Variants in KCNH7 observed in about 807,000 individuals in gnomAD.
The protein encoded by KCNH7 is voltage-gated inwardly rectifying potassium channel KCNH7.
A neutral mutation model predicts 120.8 loss-of-function variants in KCNH7; 49 were observed. That is an observed-to-expected ratio of 0.41 (90% CI 0.32 to 0.51). The LOEUF (loss-of-function observed/expected upper bound fraction) is 0.51, where lower values mean the gene tolerates loss of function less well. Among genes scored for constraint, KCNH7 ranks in the 20% least tolerant of loss-of-function variants. The probability of loss-of-function intolerance (pLI) is 0.38; values close to 1 mark genes in which losing one functional copy is unlikely to be tolerated. For missense variants in KCNH7, 1,097 were observed against 1,446.6 expected (o/e 0.76, Z 3.92); for synonymous variants, 547 against 516.1 (o/e 1.06, Z -0.81).
intron 8 of KCNH7, among the ~76,000 whole-genome samples, chr2:162,432,946 G>T (rs908825119): frequency 1.3e-5 from 2 of 152,130 alleles, no homozygotes; most frequent in African/African-American, 4.8e-5. Flanking sequence ...CTTCAGTAAA[G>T]TTTCGAGATA....
chr2:162,588,151 G>T (rs1440305588), intron 2 of KCNH7, among the ~76,000 whole-genome samples: 2 of 152,024 alleles, frequency 1.3e-5, no homozygotes, highest in Non-Finnish European at 2.9e-5. Context: ...GAGAAAAGAG[G>T]CAAGGACAAT....
chr2:162,573,923 T>G (rs1367764573), intron 2 of KCNH7, among the ~76,000 whole-genome samples: 1 of 152,002 alleles, frequency 6.6e-6, no homozygotes, highest in Non-Finnish European at 1.5e-5. Context: ...AAAATGCCTG[T>G]GAGGACGGGT....
intron 2 of KCNH7, among the ~76,000 whole-genome samples, chr2:162,590,764 C>T (rs1375166514): frequency 6.6e-6 from 1 of 152,074 alleles, no homozygotes; most frequent in Non-Finnish European, 1.5e-5. Flanking sequence ...CATCTGTAGC[C>T]TGGGTGACTG....
intron 2 of KCNH7, among the ~76,000 whole-genome samples, chr2:162,734,836 C>G (rs1687844289): frequency 6.6e-6 from 1 of 152,058 alleles, no homozygotes; most frequent in South Asian, 2.1e-4. Flanking sequence ...CTTGCCAATC[C>G]TTTTAACATA....
chr2:162,561,817 C>A (rs957849870), intron 2 of KCNH7, among the ~76,000 whole-genome samples: 1 of 152,138 alleles, frequency 6.6e-6, no homozygotes, highest in South Asian at 2.1e-4. Flanking sequence ...AACCCAAATG[C>A]CCATCAGTGA....
At chr2:162,664,689 A>G (rs1171573758) in intron 2 of KCNH7, among the ~76,000 whole-genome samples, 1 of 152,166 alleles carries the variant, frequency 6.6e-6, no homozygotes, top group Non-Finnish European at 1.5e-5. Context: ...GTTATTCCAT[A>G]TGCAATATAT....
chr2:162,685,642 C>A (rs925068136), intron 2 of KCNH7, among the ~76,000 whole-genome samples: 10 of 150,972 alleles, frequency 6.6e-5, no homozygotes, highest in Admixed American at 2.6e-4. Flanking sequence ...AAGGAACACA[C>A]AAGTGAATGG....
intron 7 of KCNH7, among the ~76,000 whole-genome samples, chr2:162,438,249 A>G (rs1244641818): frequency 6.6e-6 from 1 of 152,144 alleles, no homozygotes; most frequent in Non-Finnish European, 1.5e-5. Flanking sequence ...TAGAGTAAAA[A>G]TGATGTTATG....
intron 7 of KCNH7, among the ~76,000 whole-genome samples, chr2:162,437,583 C>G (rs1170256787): frequency 6.6e-6 from 1 of 151,928 alleles, no homozygotes; most frequent in Non-Finnish European, 1.5e-5. Flanking sequence ...ATAGAATGTC[C>G]CCTTGGATAA....
At chr2:162,615,436 A>C (rs1052681798) in intron 2 of KCNH7, among the ~76,000 whole-genome samples, 4 of 152,198 alleles carry the variant, frequency 2.6e-5, no homozygotes, top group African/African-American at 9.7e-5. Flanking sequence ...TGGTCAAGGG[A>C]TTCAATTAAC....
chr2:162,587,526 T>A (rs76537978), intron 2 of KCNH7, among the ~76,000 whole-genome samples: 10,268 of 152,050 alleles, frequency 0.068, 609 homozygotes, highest in East Asian at 0.3. Context: ...AGAATTTTTT[T>A]AAAAAAATAT....
At chr2:162,698,831 C>T (rs1686390339) in intron 2 of KCNH7, among the ~76,000 whole-genome samples, 2 of 151,986 alleles carry the variant, frequency 1.3e-5, no homozygotes, top group Admixed American at 1.3e-4. Context: ...GTTATAATTA[C>T]TCTCATTTAC....
rs1336529166 is a variant in KCNH7, at chr2:162,577,282, G to GATCTATCT, written c.308-40210_308-40203dup. On this transcript the variant is annotated intron_variant, in intron 2 of 15. Transcript: ENST00000332142. The stretch of plus-strand genomic sequence containing the variant: ...GGCCACATCAAAGCATTAACAGATA[G>GATCTATCT]ATCTATCTGTCTATCTATCTATCTA... Among the ~76,000 whole-genome samples, 299 of 121,552 alleles carry GATCTATCT rather than the reference G, an allele frequency of 2.5e-3. 1 individual carries two copies. The highest frequency in any genetic ancestry group is 6.6e-3 in the African/African-American group (193 of 29,428). The allele number at this position is 121,552 out of a possible 152,430, so 79.7% of individuals were successfully genotyped here. A position where few individuals can be genotyped will look rare whatever the true frequency, so the allele number is the denominator to read the frequency against.
intron 2 of KCNH7, among the ~76,000 whole-genome samples, chr2:162,825,853 G>A (rs775163014): frequency 3.9e-5 from 6 of 152,076 alleles, no homozygotes; most frequent in Non-Finnish European, 1.5e-5. Flanking sequence ...TTAAAAACAT[G>A]CATGAATGCT....
chr2:162,372,205 G>T, intron 15 of KCNH7, 110 bp from the exon 16 acceptor site: 2 of 889,536 alleles, frequency 2.2e-6, no homozygotes, highest in Non-Finnish European at 1.7e-6. Context: ...ATCTATATTT[G>T]ATTAGTGATA....
chr2:162,420,160 G>A (rs981256138), intron 9 of KCNH7, among the ~76,000 whole-genome samples: 36 of 152,052 alleles, frequency 2.4e-4, no homozygotes, highest in African/African-American at 8.7e-4. Context: ...CAGATCACTT[G>A]AGATCAGGAG....
intron 2 of KCNH7, among the ~76,000 whole-genome samples, chr2:162,623,444 A>G (rs1388028968): frequency 6.6e-6 from 1 of 152,200 alleles, no homozygotes; most frequent in Non-Finnish European, 1.5e-5. Flanking sequence ...TTTCTTATAA[A>G]AGAATTTTAT....
chr2:162,771,336 T>A (rs1321767454), intron 2 of KCNH7, among the ~76,000 whole-genome samples: 1 of 152,204 alleles, frequency 6.6e-6, no homozygotes, highest in Non-Finnish European at 1.5e-5. Flanking sequence ...ATATTATTCA[T>A]GTATTTGCAA....
intron 1 of KCNH7, 102 bp from the exon 2 acceptor site, chr2:162,836,869 G>A (rs549532177): frequency 1.6e-5 from 12 of 754,612 alleles, no homozygotes; most frequent in Non-Finnish European, 2.4e-5. Context: ...AAATGCAGGT[G>A]CCTCCCCAAA....
Sources: gnomAD v4.1 joint callset for allele counts (sites outside exome capture counted in the v4.1 genomes callset) on GRCh38, gnomAD v4.1.1 for gene constraint, MANE v1.5 for transcripts, NCBI Gene and HGNC (gene_info 2026-07-23, HGNC 2026-07-21) for gene names.